The following FAM135B variants were observed in gnomAD, a reference collection of about 807,000 sequenced individuals.
The protein encoded by FAM135B is protein FAM135B.
In FAM135B, 43 loss-of-function variants were observed where a neutral mutation model predicts 127.7. That is an observed-to-expected ratio of 0.34 (90% CI 0.26 to 0.43). The LOEUF (loss-of-function observed/expected upper bound fraction) is 0.43. Among genes scored for constraint, FAM135B ranks in the 20% least tolerant of loss-of-function variants. The probability of loss-of-function intolerance (pLI) is 1.00; values close to 1 mark genes in which losing one functional copy is unlikely to be tolerated. For missense variants in FAM135B, 1,558 were observed against 1,725.6 expected, an observed-to-expected ratio of 0.90 and a Z score of 1.72; for synonymous variants, 670 against 665.1, an observed-to-expected ratio of 1.01 and a Z score of -0.11.
intron 1 of FAM135B, among the ~76,000 whole-genome samples, chr8:138,471,228 C>T (rs886864184): frequency 3.3e-5 from 5 of 150,052 alleles, no homozygotes; most frequent in Non-Finnish European, 7.4e-5. Context: ...GAAATGTATG[C>T]TTCTTAGTCT....
intron 11 of FAM135B, among the ~76,000 whole-genome samples, chr8:138,168,349 A>C (rs1820134512): frequency 6.6e-6 from 1 of 152,212 alleles, no homozygotes; most frequent in African/African-American, 2.4e-5. Context: ...AGTGGAAAGC[A>C]AGCTGAGTTT....
At position 138,250,986 on chromosome 8, in the gene FAM135B, C is replaced by T. The variant is rs374653884; in HGVS notation, c.397G>A (p.Val133Ile). 4 of 1,613,854 alleles carry T rather than the reference C, an allele frequency of 2.5e-6. No homozygotes were observed. The African/African-American group carries it at 5.3e-5, about 22-fold the overall frequency. Residue 133 changes from valine to isoleucine, a missense_variant, in exon 6 of 20, where the codon GTC (valine) becomes ATC (isoleucine). Physicochemically the swap from Val to Ile is conservative, Grantham distance 29. Transcript: ENST00000395297. ...QLRDVAGAPM[V>I]SSRTLGLHFH... The stretch of plus-strand genomic sequence containing the variant: ...TGCAGGCCAAGCGTTCGGCTGCTGA[C>T]CATCGGTGCCCCAGCCACATCCCTC...
At chr8:138,339,003 C>T (rs1474344542) in intron 2 of FAM135B, among the ~76,000 whole-genome samples, 12 of 151,206 alleles carry the variant, frequency 7.9e-5, no homozygotes, top group Non-Finnish European at 1.5e-4. Context: ...AGCAAACTAT[C>T]GCAAGGACAA....
intron 1 of FAM135B, among the ~76,000 whole-genome samples, chr8:138,417,291 T>C (rs1244101102): frequency 2.6e-5 from 4 of 152,198 alleles, no homozygotes; most frequent in Admixed American, 6.5e-5. Flanking sequence ...CAGCCTCAGC[T>C]GCCCAGCCCA....
intron 1 of FAM135B, among the ~76,000 whole-genome samples, chr8:138,383,481 C>A (rs568636793): frequency 6.6e-5 from 10 of 152,312 alleles, no homozygotes; most frequent in African/African-American, 1.9e-4. Flanking sequence ...TGCTCTGTTT[C>A]TGTTTTCCCA....
chr8:138,343,344 C>T (rs145695192), intron 2 of FAM135B, among the ~76,000 whole-genome samples: 1 of 152,290 alleles, frequency 6.6e-6, no homozygotes, highest in African/African-American at 2.4e-5. Flanking sequence ...CAAGAACAGC[C>T]AAACCCAGGC....
At chr8:138,403,775 T>A (rs1379507297) in intron 1 of FAM135B, among the ~76,000 whole-genome samples, 2 of 152,170 alleles carry the variant, frequency 1.3e-5, no homozygotes, top group African/African-American at 4.8e-5. Context: ...TCAGTGTTCC[T>A]CCAGTGTTTC....
At chr8:138,347,649 C>T (rs1209441580) in intron 2 of FAM135B, among the ~76,000 whole-genome samples, 3 of 152,130 alleles carry the variant, frequency 2.0e-5, no homozygotes, top group Non-Finnish European at 2.9e-5. Flanking sequence ...AAGTTGCAGT[C>T]GTCAGTCACC....
intron 3 of FAM135B, among the ~76,000 whole-genome samples, chr8:138,278,214 G>A (rs1165762578): frequency 7.2e-6 from 1 of 139,462 alleles, no homozygotes; most frequent in African/African-American, 2.7e-5. Flanking sequence ...AGATCTAGGT[G>A]TTCATTGACA....
At chr8:138,287,993 G>T (rs1430834102) in intron 3 of FAM135B, among the ~76,000 whole-genome samples, 2 of 152,144 alleles carry the variant, frequency 1.3e-5, no homozygotes, top group East Asian at 3.9e-4. Context: ...GGAGCATTTT[G>T]TCCTATTATA....
At chr8:138,401,537 T>C (rs1218114693) in intron 1 of FAM135B, among the ~76,000 whole-genome samples, 2 of 152,150 alleles carry the variant, frequency 1.3e-5, no homozygotes, top group Non-Finnish European at 2.9e-5. Flanking sequence ...AACCCATCTG[T>C]TTACCAGCCC....
intron 5 of FAM135B, among the ~76,000 whole-genome samples, chr8:138,256,314 G>A (rs181477709): frequency 6.6e-6 from 1 of 152,288 alleles, no homozygotes; most frequent in Admixed American, 6.5e-5. Flanking sequence ...GTAGAATCCT[G>A]GAAGAATCTC....
intron 3 of FAM135B, among the ~76,000 whole-genome samples, chr8:138,289,823 T>A (rs568241955): frequency 6.6e-6 from 1 of 152,200 alleles, no homozygotes; most frequent in South Asian, 2.1e-4. Context: ...AAGGGACTTT[T>A]GTTGTTGTTG....
intron 1 of FAM135B, among the ~76,000 whole-genome samples, chr8:138,474,685 T>C (rs1233568792): frequency 2.6e-5 from 4 of 152,202 alleles, no homozygotes; most frequent in Non-Finnish European, 2.9e-5. Flanking sequence ...AAAGCAGCAA[T>C]TCTCTGCCTC....
At chr8:138,444,979 C>T (rs549372727) in intron 1 of FAM135B, among the ~76,000 whole-genome samples, 2,129 of 152,080 alleles carry the variant, frequency 0.014, 28 homozygotes, top group Non-Finnish European at 0.02. Context: ...ATATCACCAC[C>T]GATCCCACAG....
Position 138,242,854 on chromosome 8 carries a change from G to T in FAM135B, c.669+88C>A, listed in dbSNP as rs780750794. On this transcript the variant is annotated intron_variant, in intron 7 of 19. Transcript: ENST00000395297. The surrounding 1 kb of genome is among the most constrained non-coding windows in gnomAD (Gnocchi z 9.6). Reference sequence around the variant, plus strand: ...ATTAGCAAAAATCTCTGAAGGGGATGTTTCAAAGAAGCATGAATCTCATAG... The same window carrying T: ...ATTAGCAAAAATCTCTGAAGGGGATTTTTCAAAGAAGCATGAATCTCATAG... 1.3e-6 allele frequency: 2 copies of T among 1,492,030 alleles called. No individual in the cohort carries two copies. The highest frequency in any genetic ancestry group is 1.8e-6 in the Non-Finnish European group (2 of 1,117,884). The allele number at this position is 1,492,030 out of a possible 1,614,324, so 92.4% of individuals were successfully genotyped here.
At chr8:138,255,936 C>T (rs1387319666) in intron 5 of FAM135B, among the ~76,000 whole-genome samples, 1 of 152,156 alleles carries the variant, frequency 6.6e-6, no homozygotes, top group African/African-American at 2.4e-5. Context: ...GGATATGAAG[C>T]CCCCTACCAT....
chr8:138,200,724 A>G (rs1457355894), intron 7 of FAM135B, among the ~76,000 whole-genome samples: 1 of 152,178 alleles, frequency 6.6e-6, no homozygotes, highest in Non-Finnish European at 1.5e-5. Flanking sequence ...ATATGTGTGT[A>G]TGTCTTGAAA....
chr8:138,237,715 T>G (rs1029816598), intron 7 of FAM135B, among the ~76,000 whole-genome samples: 1 of 152,136 alleles, frequency 6.6e-6, no homozygotes, highest in African/African-American at 2.4e-5. Flanking sequence ...AGACTGACTT[T>G]CCCCAAAGAA....
Sources: allele counts gnomAD v4.1 joint callset (sites outside exome capture counted in the v4.1 genomes callset), GRCh38; gene constraint gnomAD v4.1.1; non-coding constraint Gnocchi (gnomAD v3.1); transcripts MANE v1.5; gene names NCBI Gene and HGNC (gene_info 2026-07-23, HGNC 2026-07-21).